ROR2: variants seen among roughly 807,000 people sequenced by gnomAD.
The protein encoded by ROR2 is ROR family WNT receptor 2.
A neutral mutation model predicts 74.9 loss-of-function variants in ROR2; 33 were observed. The observed-to-expected ratio is 0.44, with a 90% CI of 0.33 to 0.59. ROR2 has a LOEUF of 0.59. Among genes scored for constraint, ROR2 ranks in the 20% least tolerant of loss-of-function variants. The pLI, the probability that ROR2 is intolerant of heterozygous loss-of-function variation, is 0.02. For synonymous variants in ROR2, 586 were observed against 558.7 expected, an observed-to-expected ratio of 1.05 and a Z score of -0.69; for missense variants, 1,216 against 1,313.8, an observed-to-expected ratio of 0.93 and a Z score of 1.15.
At chr9:91,947,924 T>C (rs1382043056) in intron 1 of ROR2, among the ~76,000 whole-genome samples, 4 of 152,194 alleles carry the variant, frequency 2.6e-5, no homozygotes, top group African/African-American at 7.2e-5. Flanking sequence ...ACTCTTTGGA[T>C]TTTGTTAACC....
chr9:91,763,485 T>C (rs1057001724), intron 2 of ROR2, among the ~76,000 whole-genome samples: 4 of 152,224 alleles, frequency 2.6e-5, no homozygotes, highest in Admixed American at 2.0e-4. Flanking sequence ...AATTTGGTGT[T>C]TGGGTGCTTT....
At chr9:91,942,662 G>C (rs966777877) in intron 1 of ROR2, among the ~76,000 whole-genome samples, 2 of 152,000 alleles carry the variant, frequency 1.3e-5, no homozygotes, top group Admixed American at 1.3e-4. Context: ...AGTCTTTCCA[G>C]TAGTAATAAG....
At chr9:91,853,829 G>A (rs1180278727) in intron 1 of ROR2, among the ~76,000 whole-genome samples, 5 of 152,206 alleles carry the variant, frequency 3.3e-5, no homozygotes, top group Admixed American at 3.3e-4. Flanking sequence ...AAGGACTGTG[G>A]GAAATGGCAG....
At chr9:91,912,499 C>T (rs990724492) in intron 1 of ROR2, among the ~76,000 whole-genome samples, 3 of 152,060 alleles carry the variant, frequency 2.0e-5, no homozygotes, top group Non-Finnish European at 4.4e-5. Context: ...AAAATATATA[C>T]TACTATGTAT....
At chr9:91,912,816 T>C (rs145406841) in intron 1 of ROR2, among the ~76,000 whole-genome samples, 2,671 of 152,132 alleles carry the variant, frequency 0.018, 86 homozygotes, top group African/African-American at 0.061. Flanking sequence ...ACCATAAAAA[T>C]GGATAGGAAT....
At chr9:91,772,882 T>C (rs1389468594) in intron 2 of ROR2, among the ~76,000 whole-genome samples, 2 of 152,162 alleles carry the variant, frequency 1.3e-5, no homozygotes, top group Non-Finnish European at 2.9e-5. Flanking sequence ...CTCCCAGAAA[T>C]GGAACTGAGA....
Position 91,825,075 on chromosome 9 carries a change from A to T in ROR2, c.98-49257T>A, listed in dbSNP as rs1828244047. ...CTTAAGTAAGCCAATGACAAATAAC[A>T]TGTGTCTTTCAGACATGGGGGCCAA... On this transcript the variant is annotated intron_variant, in intron 1 of 8. Transcript: ENST00000375708. Among the ~76,000 whole-genome samples, 6 of 152,248 alleles carry T rather than the reference A, an allele frequency of 3.9e-5. No homozygotes were observed. In the South Asian group the frequency reaches 1.2e-3, roughly 31 times the overall value.
chr9:91,834,098 G>C (rs747660754), intron 1 of ROR2, among the ~76,000 whole-genome samples: 63 of 152,248 alleles, frequency 4.1e-4, no homozygotes, highest in Non-Finnish European at 6.6e-4. Context: ...ACAGGTCTCG[G>C]GTTCCAAAGT....
intron 2 of ROR2, among the ~76,000 whole-genome samples, chr9:91,773,403 A>G (rs1826305405): frequency 6.6e-6 from 1 of 151,990 alleles, no homozygotes; most frequent in South Asian, 2.1e-4. Context: ...ATCAAACTGC[A>G]CCACCCCCGA....
At chr9:91,858,321 A>G (rs1390712251) in intron 1 of ROR2, among the ~76,000 whole-genome samples, 1 of 152,252 alleles carries the variant, frequency 6.6e-6, no homozygotes, top group Non-Finnish European at 1.5e-5. Context: ...ATCTAAGCAC[A>G]GGCACACACA....
Position 91,722,841 on chromosome 9 carries a change from G to T in ROR2, c.*821C>A. On this transcript the variant is annotated 3_prime_UTR_variant, in exon 9 of 9. Coordinates refer to ENST00000375708, the MANE Select transcript of ROR2 (RefSeq NM_004560.4). ...AGACCAAAATACTTCAATGAAAATG[G>T]CATATTAAAAACATATAAATTACAT... 1 of 548,622 alleles carries T rather than the reference G, an allele frequency of 1.8e-6. No individual in the cohort carries two copies. Among genetic ancestry groups the T allele is most frequent in the Non-Finnish European group, 3.3e-6 (1 of 306,366 alleles). 34.0% of individuals were successfully genotyped at this position (548,622 alleles called of 1,614,324 possible). A position where few individuals can be genotyped will look rare whatever the true frequency, so the allele number is the denominator to read the frequency against.
intron 1 of ROR2, among the ~76,000 whole-genome samples, chr9:91,845,877 C>CAAAAAAAAAAAAA (rs5899143): frequency 1.5e-4 from 5 of 33,900 alleles, no homozygotes; most frequent in East Asian, 1.0e-3. Flanking sequence ...GAATCCATCT[C>CAAAAAAAAAAAAA]AAAAAAAAAA....
intron 1 of ROR2, among the ~76,000 whole-genome samples, chr9:91,798,473 A>G (rs35997310): frequency 0.94 from 81,301 of 86,594 alleles, 38,541 homozygotes; most frequent in East Asian, 0.98. Flanking sequence ...TGGGCTCTGT[A>G]GGTGGGGAAT....
chr9:91,933,561 A>T (rs1010126417), intron 1 of ROR2, among the ~76,000 whole-genome samples: 2 of 152,212 alleles, frequency 1.3e-5, no homozygotes, highest in African/African-American at 4.8e-5. Context: ...AATGGTTTTT[A>T]AAAATGAGGT....
chr9:91,781,451 A>G (rs1826617432), intron 1 of ROR2, among the ~76,000 whole-genome samples: 1 of 152,244 alleles, frequency 6.6e-6, no homozygotes, highest in Admixed American at 6.5e-5. Flanking sequence ...AAGGAAGAAA[A>G]GTTAAAAATT....
intron 2 of ROR2, among the ~76,000 whole-genome samples, chr9:91,762,619 A>G (rs1825950230): frequency 6.6e-6 from 1 of 152,240 alleles, no homozygotes; most frequent in Admixed American, 6.5e-5. Flanking sequence ...GAATGCAACC[A>G]AAACCTACTC....
At position 91,825,188 on chromosome 9, in the gene ROR2, A is replaced by T. The variant is rs141847242; in HGVS notation, c.98-49370T>A. Among the ~76,000 whole-genome samples the T allele has an allele frequency of 7.2e-5, 11 of 152,346 alleles. No individual in the cohort carries two copies. In the East Asian group the frequency reaches 1.9e-3, roughly 27 times the overall value. Reference sequence around the variant, plus strand: ...GCAAGGCGCCCCTCCCAGGATACGTAAGAAAGCCTTCGGTAATCAGGGAAG... The same window carrying T: ...GCAAGGCGCCCCTCCCAGGATACGTTAGAAAGCCTTCGGTAATCAGGGAAG... On this transcript the variant is annotated intron_variant, in intron 1 of 8. Transcript: ENST00000375708.
chr9:91,930,422 A>C (rs533391378), intron 1 of ROR2, among the ~76,000 whole-genome samples: 118 of 152,362 alleles, frequency 7.7e-4, no homozygotes, highest in Admixed American at 1.6e-3. Flanking sequence ...GTCCGACTGC[A>C]GCCAATAGGA....
intron 1 of ROR2, among the ~76,000 whole-genome samples, chr9:91,867,810 A>G (rs1829685165): frequency 6.6e-6 from 1 of 152,114 alleles, no homozygotes; most frequent in Non-Finnish European, 1.5e-5. Flanking sequence ...AGAGCACTAT[A>G]GAGGCTTTGA....
Sources: allele counts gnomAD v4.1 joint callset (sites outside exome capture counted in the v4.1 genomes callset), GRCh38; gene constraint gnomAD v4.1.1; transcripts MANE v1.5; gene names NCBI Gene and HGNC (gene_info 2026-07-23, HGNC 2026-07-21).